The following SYNE3 variants were observed in gnomAD, a reference collection of about 807,000 sequenced individuals.
SYNE3 encodes spectrin repeat containing nuclear envelope family member 3.
Under a neutral mutation model 111.2 loss-of-function variants are expected in SYNE3, and 100 were observed. That is an observed-to-expected ratio of 0.90 (90% CI 0.77 to 1.06). The LOEUF (loss-of-function observed/expected upper bound fraction) is 1.06, where lower values mean the gene tolerates loss of function less well. Among genes scored for constraint, SYNE3 ranks in the 50% least tolerant of loss-of-function variants. The probability of loss-of-function intolerance (pLI) is 0.00; values close to 1 mark genes in which losing one functional copy is unlikely to be tolerated. For missense variants in SYNE3, 1,160 were observed against 1,240.3 expected, an observed-to-expected ratio of 0.94 and a Z score of 0.97; for synonymous variants, 547 against 533.9, an observed-to-expected ratio of 1.02 and a Z score of -0.34.
intron 1 of SYNE3, among the ~76,000 whole-genome samples, chr14:95,488,669 A>C (rs1405254338): frequency 4.0e-5 from 2 of 49,430 alleles, no homozygotes; most frequent in Admixed American, 6.2e-4. Flanking sequence ...TTCATAAAAG[A>C]GGGGTGGGGT....
chr14:95,442,024 G>A lies in SYNE3; in HGVS notation c.1911+1131C>T, dbSNP rs181489421. 2.0e-5 allele frequency among the ~76,000 whole-genome samples: 3 copies of A among 152,330 alleles called. No individual in the cohort carries two copies. The East Asian group carries it at 5.8e-4, about 29-fold the overall frequency. On this transcript the variant is annotated intron_variant, in intron 11 of 17. Transcript: ENST00000682763. ...AAAAAACCTGCTTGGCATGACCTGA[G>A]CTCAGACTGTCACTCCAATCAACAC...
At chr14:95,505,298 T>C (rs74807194) in intron 1 of SYNE3, among the ~76,000 whole-genome samples, 1,951 of 152,332 alleles carry the variant, frequency 0.013, 37 homozygotes, top group African/African-American at 0.044. Flanking sequence ...GGCAAATGCA[T>C]TGAAACAGAG....
In SYNE3 at chr14:95,449,982, A is replaced by T; in HGVS notation, c.1398T>A (p.Thr466=). 6.4e-7 allele frequency: 1 copy of T among 1,554,670 alleles called. No individual in the cohort carries two copies. Among genetic ancestry groups the T allele is most frequent in the Non-Finnish European group, 8.7e-7 (1 of 1,148,906 alleles). The stretch of plus-strand genomic sequence containing the variant: ...GGGAAGGCAGGTCCGGCAGGCTGGC[A>T]GTGACCTCCAAGAGCCGCTGGGCCA... ...KALAQRLLEV[T]ASLPDLPSLH... Residue 466 remains threonine, a synonymous_variant, in exon 8 of 18, where the codon ACT becomes ACA. Coordinates refer to ENST00000682763, the MANE Select transcript of SYNE3 (RefSeq NM_152592.6).
chr14:95,467,883 C>A lies in SYNE3; in HGVS notation c.229G>T (p.Gly77Trp), dbSNP rs750340746. 3 of 1,614,088 alleles carry A rather than the reference C, an allele frequency of 1.9e-6. No homozygotes were observed. The highest frequency in any genetic ancestry group is 2.7e-5 in the African/African-American group (2 of 74,940). Reference protein sequence around the residue: ...MAEALLACCPGDQKPGILARL... With the variant: ...MAEALLACCPWDQKPGILARL... ...GCCAGGATCCCGGGCTTCTGGTCCC[C>A]AGGGCAGCATGCCAAGAGGGCTTCA... The change falls in exon 3 of 18, where the codon GGG (glycine) becomes TGG (tryptophan). Residue 77 changes from glycine (G) to tryptophan (W), a missense_variant. Coordinates refer to ENST00000682763, the MANE Select transcript of SYNE3 (RefSeq NM_152592.6).
chr14:95,479,969 G>C (rs150895038), intron 1 of SYNE3, among the ~76,000 whole-genome samples: 1 of 152,166 alleles, frequency 6.6e-6, no homozygotes, highest in East Asian at 1.9e-4. Flanking sequence ...AATGAGAAAA[G>C]GTTGCAGGAG....
At chr14:95,463,855 T>C (rs1356684433) in intron 4 of SYNE3, among the ~76,000 whole-genome samples, 1 of 152,272 alleles carries the variant, frequency 6.6e-6, no homozygotes, top group African/African-American at 2.4e-5. Flanking sequence ...CAAACAGCCA[T>C]TGTTGTTCCT....
chr14:95,475,520 C>A (rs1034676658), intron 2 of SYNE3, among the ~76,000 whole-genome samples, 158 bp downstream of exon 2: 1 of 152,136 alleles, frequency 6.6e-6, no homozygotes, highest in African/African-American at 2.4e-5. Flanking sequence ...AGAGTCTACA[C>A]TTAAACAAAA....
intron 11 of SYNE3, 61 bp downstream of exon 11, chr14:95,443,094 C>A: frequency 6.3e-7 from 1 of 1,598,894 alleles, no homozygotes; most frequent in Non-Finnish European, 8.5e-7. Flanking sequence ...AGGCCCCAGG[C>A]GTGTTGGATG....
intron 1 of SYNE3, among the ~76,000 whole-genome samples, chr14:95,488,755 G>A (rs372742634): frequency 1.3e-5 from 2 of 150,504 alleles, no homozygotes; most frequent in South Asian, 2.1e-4. Context: ...GGAGAGGAGG[G>A]ACTGCAAAAC....
Position 95,501,796 on chromosome 14 carries a change from A to G in SYNE3, c.-15+14800T>C, listed in dbSNP as rs1182685345. 3.9e-5 allele frequency among the ~76,000 whole-genome samples: 6 copies of G among 152,210 alleles called. No individual in the cohort carries two copies. In the East Asian group the frequency reaches 1.2e-3, roughly 29 times the overall value. ...TCTGAGTAGTTTGTCCCCAGCGGGG[A>G]AGAAATGAAGGTGGAGAGTCTCAAG... On this transcript the variant is annotated intron_variant, in intron 1 of 17. Transcript: ENST00000682763.
chr14:95,448,684 T>A (rs1886864970), intron 8 of SYNE3, among the ~76,000 whole-genome samples: 1 of 152,126 alleles, frequency 6.6e-6, no homozygotes, highest in Admixed American at 6.5e-5. Flanking sequence ...CAAGACTTCG[T>A]CTCCAAACAA....
chr14:95,468,120 T>C (rs1225607892), intron 2 of SYNE3, among the ~76,000 whole-genome samples, 153 bp from the exon 3 acceptor site: 4 of 152,194 alleles, frequency 2.6e-5, no homozygotes, highest in Non-Finnish European at 4.4e-5. Context: ...TTGTGGGGTC[T>C]TGGGCAACCT....
At chr14:95,453,225 T>A (rs927590591) in intron 6 of SYNE3, among the ~76,000 whole-genome samples, 1 of 152,170 alleles carries the variant, frequency 6.6e-6, no homozygotes, top group Middle Eastern at 3.2e-3. Context: ...ACAAGGCACT[T>A]GGTACAGAGC....
chr14:95,420,729 TAC>T (rs763549107), intron 17 of SYNE3, among the ~76,000 whole-genome samples: 8 of 149,370 alleles, frequency 5.4e-5, no homozygotes, highest in Admixed American at 6.6e-5. Flanking sequence ...CACACACACA[TAC>T]ACACACACAC....
intron 15 of SYNE3, 100 bp downstream of exon 15, chr14:95,436,720 C>A: frequency 2.1e-6 from 3 of 1,395,504 alleles, no homozygotes; most frequent in Non-Finnish European, 2.9e-6. Flanking sequence ...GAACAGCTCA[C>A]AAACTGTGGG....
chr14:95,478,723 A>C (rs932401008), intron 1 of SYNE3, among the ~76,000 whole-genome samples: 1 of 152,210 alleles, frequency 6.6e-6, no homozygotes, highest in Non-Finnish European at 1.5e-5. Flanking sequence ...GGCCACATAC[A>C]GTCTCTGTTG....
chr14:95,437,657 G>GT (rs34123937), intron 14 of SYNE3: 26,375 of 151,954 alleles, frequency 0.17, 2,950 homozygotes, highest in African/African-American at 0.32. Flanking sequence ...GGTGCACCAT[G>GT]TTTTTTTTGT....
intron 17 of SYNE3, among the ~76,000 whole-genome samples, chr14:95,430,700 T>A (rs12432292): frequency 1.3e-5 from 2 of 151,728 alleles, no homozygotes; most frequent in Non-Finnish European, 2.9e-5. Flanking sequence ...AGCGCATGCC[T>A]GTAATCCCAG....
In SYNE3 at chr14:95,417,340, G is replaced by C. The variant is rs926880082; in HGVS notation, c.*486C>G. 5.5e-6 allele frequency: 1 copy of C among 182,142 alleles called. No homozygotes were observed. The highest frequency in any genetic ancestry group is 2.3e-5 in the African/African-American group (1 of 42,978). 11.3% of individuals were successfully genotyped at this position (182,142 alleles called of 1,614,324 possible). On this transcript the variant is annotated 3_prime_UTR_variant, in exon 18 of 18. Coordinates refer to ENST00000682763, the MANE Select transcript of SYNE3 (RefSeq NM_152592.6). ...GCAAGAGTCGCTGGGCACCAAGTGAGGGTCTATGGCGCTCTTCCACGTTGC... is the reference window on the plus strand; with the variant it reads ...GCAAGAGTCGCTGGGCACCAAGTGACGGTCTATGGCGCTCTTCCACGTTGC...
Sources: allele counts gnomAD v4.1 joint callset (sites outside exome capture counted in the v4.1 genomes callset), GRCh38; gene constraint gnomAD v4.1.1; transcripts MANE v1.5; gene names NCBI Gene and HGNC (gene_info 2026-07-23, HGNC 2026-07-21).